PIAS1: variants seen among roughly 807,000 people sequenced by gnomAD.
PIAS1 encodes the protein protein inhibitor of activated STAT 1, also known as E3 SUMO-protein ligase PIAS1.
PIAS1 carries 6 observed loss-of-function variants against 71.3 expected under a neutral mutation model. The ratio of observed to expected loss-of-function variants is 0.08; its 90% CI spans 0.05 to 0.17. PIAS1 has a LOEUF of 0.17. PIAS1 is among the 10% of genes least tolerant of loss of function. The pLI is 1.00. For synonymous variants in PIAS1, 303 were observed against 292.9 expected, an observed-to-expected ratio of 1.03 and a Z score of -0.35; for missense variants, 555 against 793.6, an observed-to-expected ratio of 0.70 and a Z score of 3.61.
chr15:68,103,246 A>G lies in PIAS1; in HGVS notation c.469+16496A>G, dbSNP rs550543797. On this transcript the variant is annotated intron_variant, in intron 2 of 13. Transcript: ENST00000249636. The stretch of plus-strand genomic sequence containing the variant: ...CTGACCCTTCTTTGATTTTGATCTT[A>G]GGGGGAAAGCTTCAAGATAAAATGA... Among the ~76,000 whole-genome samples, 51 of 150,822 alleles carry G rather than the reference A, an allele frequency of 3.4e-4. No individual in the cohort carries two copies. The South Asian group carries it at 0.01, about 30-fold the overall frequency.
chr15:68,074,531 A>T (rs11854872), intron 1 of PIAS1, among the ~76,000 whole-genome samples: 3,383 of 152,222 alleles, frequency 0.022, 124 homozygotes, highest in African/African-American at 0.077. Flanking sequence ...AGTACTCTGG[A>T]ATTTGATTAG....
At position 68,063,888 on chromosome 15, in the gene PIAS1, T is replaced by C. The variant is rs1046452271; in HGVS notation, c.24+9538T>C. Among the ~76,000 whole-genome samples the C allele has an allele frequency of 2.8e-5, 4 of 144,868 alleles. No individual in the cohort carries two copies. In the Admixed American group the frequency reaches 2.8e-4, roughly 10 times the overall value. On this transcript the variant is annotated intron_variant, in intron 1 of 13. Transcript: ENST00000249636. The stretch of plus-strand genomic sequence containing the variant: ...CTAAATTGTACTAGTAGTTGTGTTC[T>C]TCATCACTGTGCACTTGGAATTAAA...
In PIAS1 at chr15:68,189,713, A is replaced by C. The variant is rs2093110031; in HGVS notation, c.*1878A>C. The stretch of plus-strand genomic sequence containing the variant: ...TGAGTTTCATAGTCTTCCCCTACGC[A>C]TGTGTATTCCACACACAAATGGCTG... On this transcript the variant is annotated 3_prime_UTR_variant, in exon 14 of 14. Coordinates refer to ENST00000249636, the MANE Select transcript of PIAS1 (RefSeq NM_016166.3). 6.6e-6 allele frequency: 1 copy of C among 152,172 alleles called. No homozygotes were observed. Among genetic ancestry groups the C allele is most frequent in the Non-Finnish European group, 1.5e-5 (1 of 68,026 alleles). The allele number at this position is 152,172 out of a possible 1,614,324, so 9.4% of individuals were successfully genotyped here.
chr15:68,135,232 G>A (rs1243935861), intron 2 of PIAS1, among the ~76,000 whole-genome samples: 1 of 19,476 alleles, frequency 5.1e-5, no homozygotes, highest in East Asian at 1.6e-3. Flanking sequence ...GTGGCTGGCC[G>A]GGCGGGGGCT....
chr15:68,070,562 G>C (rs1017125228), intron 1 of PIAS1, among the ~76,000 whole-genome samples: 2 of 152,110 alleles, frequency 1.3e-5, no homozygotes, highest in African/African-American at 2.4e-5. Flanking sequence ...AAGATGGACT[G>C]TCCAGTACTA....
chr15:68,142,251 C>A (rs751685424), intron 3 of PIAS1, 39 bp from the exon 4 acceptor site: 37 of 1,538,444 alleles, frequency 2.4e-5, no homozygotes, highest in Non-Finnish European at 1.6e-5. Context: ...CATGCAAATA[C>A]TTTAAAAGTA....
intron 8 of PIAS1, among the ~76,000 whole-genome samples, chr15:68,169,798 A>T (rs1029312333): frequency 6.6e-6 from 1 of 152,204 alleles, no homozygotes; most frequent in African/African-American, 2.4e-5. Flanking sequence ...TTTATTGAAA[A>T]GTTACTATGT....
chr15:68,096,208 T>G (rs2092374197), intron 2 of PIAS1, among the ~76,000 whole-genome samples: 1 of 152,250 alleles, frequency 6.6e-6, no homozygotes, highest in South Asian at 2.1e-4. Flanking sequence ...TTGTGTGGTT[T>G]TGACAGCCTT....
chr15:68,172,393 A>G (rs1595788157), intron 8 of PIAS1, among the ~76,000 whole-genome samples: 2 of 152,250 alleles, frequency 1.3e-5, no homozygotes, highest in Middle Eastern at 3.4e-3. Context: ...GTGTGTCTTT[A>G]TAAGTAGCAT....
rs1432387370 is a variant in PIAS1 at position 68,188,934 on chromosome 15, ATTGT to A, written c.*1103_*1106del. On this transcript the variant is annotated 3_prime_UTR_variant, in exon 14 of 14. Coordinates refer to ENST00000249636, the MANE Select transcript of PIAS1 (RefSeq NM_016166.3). ...ACACGGTCAGTTATCCTAAAAATAA[ATTGT>A]TTGGAAAGTACAATGCACCACATTT... 6.6e-6 allele frequency: 1 copy of A among 152,224 alleles called. No individual in the cohort carries two copies. Among genetic ancestry groups the A allele is most frequent in the East Asian group, 1.9e-4 (1 of 5,196 alleles). 9.4% of individuals were successfully genotyped at this position (152,224 alleles called of 1,614,324 possible). A position where few individuals can be genotyped will look rare whatever the true frequency, so the allele number is the denominator to read the frequency against.
intron 6 of PIAS1, among the ~76,000 whole-genome samples, chr15:68,152,899 CTTTTTTT>C (rs71287005): frequency 1.0e-3 from 127 of 121,950 alleles, no homozygotes; most frequent in African/African-American, 3.6e-3. Flanking sequence ...TTTGGCTTTT[CTTTTTTT>C]TTTTTTTTTT....
chr15:68,075,365 C>T (rs2092151222), intron 1 of PIAS1, among the ~76,000 whole-genome samples: 1 of 151,942 alleles, frequency 6.6e-6, no homozygotes. Flanking sequence ...GGATTACAGG[C>T]GTGAGCCACT....
At chr15:68,111,295 G>A (rs1202098780) in intron 2 of PIAS1, among the ~76,000 whole-genome samples, 1 of 152,126 alleles carries the variant, frequency 6.6e-6, no homozygotes, top group Admixed American at 6.5e-5. Context: ...TTAACTAGAA[G>A]GCGAAGTTGG....
intron 2 of PIAS1, among the ~76,000 whole-genome samples, chr15:68,138,244 T>A (rs920483146): frequency 1.3e-5 from 2 of 152,132 alleles, no homozygotes; most frequent in Non-Finnish European, 2.9e-5. Context: ...TATGTTTTGT[T>A]TGCTCTGGGA....
chr15:68,188,064 TAAA>T lies in PIAS1; in HGVS notation c.*238_*240del. 3.7e-6 allele frequency: 1 copy of T among 272,886 alleles called. No homozygotes were observed. The allele number at this position is 272,886 out of a possible 1,614,324, so 16.9% of individuals were successfully genotyped here. The stretch of plus-strand genomic sequence containing the variant: ...CTGCCTGTGTGATAAAACACTTGTT[TAAA>T]AAAAAAAAGGAAAGAAAAGAAAAAA... On this transcript the variant is annotated 3_prime_UTR_variant, in exon 14 of 14. Coordinates refer to ENST00000249636, the MANE Select transcript of PIAS1 (RefSeq NM_016166.3).
At chr15:68,090,099 C>T (rs373172487) in intron 2 of PIAS1, among the ~76,000 whole-genome samples, 2 of 151,060 alleles carry the variant, frequency 1.3e-5, no homozygotes, top group South Asian at 2.1e-4. Context: ...AGGCTGGTCT[C>T]GAACTCCTGG....
intron 11 of PIAS1, among the ~76,000 whole-genome samples, chr15:68,180,389 G>A (rs75006895): frequency 0.027 from 4,096 of 152,106 alleles, 177 homozygotes; most frequent in African/African-American, 0.093. Context: ...GAGCCACCAT[G>A]CCTGGCCCCA....
intron 2 of PIAS1, among the ~76,000 whole-genome samples, chr15:68,120,855 A>G (rs2092607698): frequency 6.6e-6 from 1 of 152,092 alleles, no homozygotes; most frequent in Admixed American, 6.6e-5. Context: ...ACTTTTCACC[A>G]TGTTGACCAG....
At chr15:68,162,188 C>T (rs2092928907) in intron 7 of PIAS1, among the ~76,000 whole-genome samples, 1 of 152,024 alleles carries the variant, frequency 6.6e-6, no homozygotes, top group Admixed American at 6.6e-5. Flanking sequence ...CTAGGCTATC[C>T]CTAGGTCCTA....
Sources: gnomAD v4.1 joint callset for allele counts (sites outside exome capture counted in the v4.1 genomes callset) on GRCh38, gnomAD v4.1.1 for gene constraint, MANE v1.5 for transcripts, NCBI Gene and HGNC (gene_info 2026-07-23, HGNC 2026-07-21) for gene names.